COL5A2: variants seen among roughly 807,000 people sequenced by gnomAD.
COL5A2 encodes the protein collagen type V alpha 2 chain, also known as collagen alpha-2(V) chain.
A neutral mutation model predicts 208.2 loss-of-function variants in COL5A2; 23 were observed. The ratio of observed to expected loss-of-function variants is 0.11; its 90% confidence interval spans 0.08 to 0.16. The LOEUF is 0.16. Ranked by LOEUF, COL5A2 falls within the 10% of genes least tolerant of loss-of-function variation. The probability of loss-of-function intolerance (pLI) is 1.00; values close to 1 mark genes in which losing one functional copy is unlikely to be tolerated. For missense variants in COL5A2, 1,590 were observed against 1,956.4 expected (o/e 0.81, Z 3.53); for synonymous variants, 625 against 628.5 (o/e 0.99, Z 0.08).
chr2:189,117,576 A>G (rs943578222), intron 1 of COL5A2, among the ~76,000 whole-genome samples: 9 of 152,112 alleles, frequency 5.9e-5, no homozygotes, highest in African/African-American at 2.2e-4. Context: ...AAGGAGAAGT[A>G]AATATTCAGT....
intron 1 of COL5A2, among the ~76,000 whole-genome samples, chr2:189,127,152 G>C (rs1037754221): frequency 6.6e-6 from 1 of 151,882 alleles, no homozygotes; most frequent in Non-Finnish European, 1.5e-5. Flanking sequence ...ATCCAGAAAC[G>C]ATTTGTAATT....
At chr2:189,225,177 G>A (rs766399873) in exon 1 of COL5A2, among the ~76,000 whole-genome samples, 16 of 152,106 alleles carry the variant, frequency 1.1e-4, no homozygotes, top group Non-Finnish European at 2.1e-4. Context: ...ACTCTCAGCA[G>A]TCTTCCTAGA....
intron 44 of COL5A2, among the ~76,000 whole-genome samples, chr2:189,048,972 T>C (rs1402381230): frequency 6.6e-6 from 1 of 152,188 alleles, no homozygotes. Context: ...CAAGCTGGAA[T>C]AGCTATATTA....
chr2:189,235,973 C>T, the COL5A2 span, among the ~76,000 whole-genome samples: 1 of 151,000 alleles, frequency 6.6e-6, no homozygotes, highest in African/African-American at 2.4e-5. Flanking sequence ...ACGTTCCAGG[C>T]AGAGGCTGCA....
At chr2:189,404,624 C>T in the COL5A2 span, among the ~76,000 whole-genome samples, 10 of 152,276 alleles carry the variant, frequency 6.6e-5, no homozygotes, top group African/African-American at 2.2e-4. Flanking sequence ...CATAATTGCA[C>T]GAGCCAATTC....
the COL5A2 span, among the ~76,000 whole-genome samples, chr2:189,358,467 G>A: frequency 0.058 from 8,886 of 152,204 alleles, 346 homozygotes; most frequent in Non-Finnish European, 0.091. Flanking sequence ...TGCTGTTTGG[G>A]TTGCTATAGC....
At chr2:189,174,005 T>C (rs1331124998) in intron 1 of COL5A2, among the ~76,000 whole-genome samples, 4 of 152,234 alleles carry the variant, frequency 2.6e-5, no homozygotes, top group African/African-American at 9.6e-5. Flanking sequence ...CCATACATTT[T>C]AAGAATGCCA....
At chr2:189,105,597 A>T (rs920963096) in intron 2 of COL5A2, among the ~76,000 whole-genome samples, 16 of 151,538 alleles carry the variant, frequency 1.1e-4, no homozygotes, top group Admixed American at 3.3e-4. Context: ...ATATGTAAAG[A>T]ATATTAATTC....
intron 1 of COL5A2, among the ~76,000 whole-genome samples, chr2:189,156,655 A>AC (rs1381411377): frequency 1.3e-5 from 2 of 152,112 alleles, no homozygotes; most frequent in Non-Finnish European, 2.9e-5. Flanking sequence ...TAGTATGAAA[A>AC]ATTAATATTA....
the COL5A2 span, among the ~76,000 whole-genome samples, chr2:189,304,522 G>C: frequency 6.6e-6 from 1 of 152,184 alleles, no homozygotes; most frequent in African/African-American, 2.4e-5. Flanking sequence ...TGAAGAGAGA[G>C]CAGGCACATC....
chr2:189,354,104 C>T, the COL5A2 span, among the ~76,000 whole-genome samples: 2 of 152,114 alleles, frequency 1.3e-5, no homozygotes, highest in Admixed American at 1.3e-4. Context: ...GTATGTTGAA[C>T]CAGCCTTGCA....
chr2:189,127,854 A>ACAT (rs1270638957), intron 1 of COL5A2, among the ~76,000 whole-genome samples: 2 of 152,040 alleles, frequency 1.3e-5, no homozygotes, highest in Non-Finnish European at 2.9e-5. Context: ...AGAAAAATCT[A>ACAT]CATTATATTG....
At position 189,171,019 on chromosome 2, in the gene COL5A2, T is replaced by C. The variant is rs73034833; in HGVS notation, c.97+8489A>G. 3.6e-3 allele frequency among the ~76,000 whole-genome samples: 549 copies of C among 152,166 alleles called. 3 individuals are homozygous for C. Among genetic ancestry groups the C allele is most frequent in the African/African-American group, 0.013 (520 of 41,500 alleles). ...CAGAGGTGTACTGACTGTTGTGAGA[T>C]GGCCAGAGGAGCACTTAGCTCAACT... is the stretch of plus-strand genomic sequence containing the variant. On this transcript the variant is annotated intron_variant, in intron 1 of 53. Transcript: ENST00000374866.
At chr2:189,139,012 A>G (rs959706610) in intron 1 of COL5A2, among the ~76,000 whole-genome samples, 2 of 152,232 alleles carry the variant, frequency 1.3e-5, no homozygotes, top group African/African-American at 4.8e-5. Flanking sequence ...TAAGAACTGT[A>G]TGTACATAGT....
rs144421663 is a variant in COL5A2 at position 189,067,657 on chromosome 2, T to C, written c.1401+358A>G. On this transcript the variant is annotated intron_variant, in intron 21 of 53. Transcript: ENST00000374866. The stretch of plus-strand genomic sequence containing the variant: ...AAATAGTTGTTGAACCCTAGCCTAA[T>C]TGTCATTATAAATTCCTATTGAAGC... 3.2e-3 allele frequency among the ~76,000 whole-genome samples: 494 copies of C among 152,324 alleles called. 5 individuals are homozygous for C. Among genetic ancestry groups the C allele is most frequent in the Middle Eastern group, 0.017 (5 of 294 alleles).
intron 1 of COL5A2, among the ~76,000 whole-genome samples, chr2:189,112,147 G>A (rs997412893): frequency 6.6e-6 from 1 of 152,124 alleles, no homozygotes; most frequent in African/African-American, 2.4e-5. Flanking sequence ...GTGAACCACT[G>A]TGCCCGGCCT....
the COL5A2 span, among the ~76,000 whole-genome samples, chr2:189,291,473 T>C: frequency 6.6e-6 from 1 of 152,158 alleles, no homozygotes; most frequent in African/African-American, 2.4e-5. Context: ...TTTTTTTGGT[T>C]TTACTCCCTT....
chr2:189,252,358 A>G, the COL5A2 span, among the ~76,000 whole-genome samples: 1 of 152,220 alleles, frequency 6.6e-6, no homozygotes, highest in Admixed American at 6.5e-5. Context: ...ACTTGGAACC[A>G]ATCCAAATGT....
At chr2:189,087,552 C>T (rs1275091997) in intron 8 of COL5A2, among the ~76,000 whole-genome samples, 1 of 151,796 alleles carries the variant, frequency 6.6e-6, no homozygotes, top group African/African-American at 2.4e-5. Flanking sequence ...CAAGCTCCAC[C>T]TCCCGGGTTC....
Sources: allele counts gnomAD v4.1 joint callset (sites outside exome capture counted in the v4.1 genomes callset), GRCh38; gene constraint gnomAD v4.1.1; transcripts MANE v1.5; gene names NCBI Gene and HGNC (gene_info 2026-07-23, HGNC 2026-07-21).